Variants in CLVS1 observed in about 807,000 individuals in gnomAD.
The protein encoded by CLVS1 is clavesin 1, also known as clavesin-1.
Under a neutral mutation model 33.1 loss-of-function variants are expected in CLVS1, and 10 were observed. The ratio of observed to expected loss-of-function variants is 0.30; its 90% CI spans 0.19 to 0.51. CLVS1 has a LOEUF of 0.51. Ranked by LOEUF, CLVS1 falls within the 20% of genes least tolerant of loss-of-function variation. The pLI is 0.97. For missense variants in CLVS1, 343 were observed against 433.4 expected, an observed-to-expected ratio of 0.79 and a Z score of 1.85; for synonymous variants, 163 against 166.1, an observed-to-expected ratio of 0.98 and a Z score of 0.14.
Position 61,193,720 on chromosome 8 carries a change from T to C in CLVS1, c.-152+61860T>C, listed in dbSNP as rs184161954. ...TCAGACAAAAAGAGATTTTGACACC[T>C]ATGGAACCCTACTAAAAGAAATTCT... On this transcript the variant is annotated intron_variant, in intron 2 of 2. Transcript: ENST00000522621. Among the ~76,000 whole-genome samples, 553 of 151,902 alleles carry C rather than the reference T, an allele frequency of 3.6e-3. 3 individuals carry two copies. Among genetic ancestry groups the C allele is most frequent in the African/African-American group, 0.013 (524 of 41,428 alleles).
intron 1 of CLVS1, among the ~76,000 whole-genome samples, chr8:61,122,612 A>AC (rs1554537345): frequency 6.8e-6 from 1 of 148,140 alleles, no homozygotes; most frequent in Non-Finnish European, 1.5e-5. Context: ...ACACACACAC[A>AC]AGAAAACAGC....
intron 2 of CLVS1, among the ~76,000 whole-genome samples, chr8:61,270,381 A>G (rs968101403): frequency 1.3e-5 from 2 of 152,182 alleles, no homozygotes; most frequent in South Asian, 2.1e-4. Context: ...ATTATTGTGG[A>G]TAAGCTTTTT....
chr8:61,495,627 A>G (rs1429170292), intron 5 of CLVS1, among the ~76,000 whole-genome samples: 1 of 152,206 alleles, frequency 6.6e-6, no homozygotes, highest in African/African-American at 2.4e-5. Flanking sequence ...ATACCCAACC[A>G]TGTACCTTTG....
At chr8:61,486,551 T>G (rs1803890123) in intron 5 of CLVS1, among the ~76,000 whole-genome samples, 1 of 152,230 alleles carries the variant, frequency 6.6e-6, no homozygotes, top group Non-Finnish European at 1.5e-5. Flanking sequence ...TACCTTAAAC[T>G]GTGGATAGAA....
chr8:61,198,442 C>T (rs141865201), intron 2 of CLVS1, among the ~76,000 whole-genome samples: 14 of 152,098 alleles, frequency 9.2e-5, no homozygotes, highest in South Asian at 2.1e-4. Context: ...TGCAGTGGCA[C>T]GATCTTGGTT....
intron 2 of CLVS1, among the ~76,000 whole-genome samples, chr8:61,206,595 T>C (rs894887558): frequency 3.3e-5 from 5 of 149,368 alleles, no homozygotes; most frequent in African/African-American, 1.2e-4. Flanking sequence ...TCTTTCTTTT[T>C]TTTTTTTTTT....
the CLVS1 span, among the ~76,000 whole-genome samples, chr8:61,002,222 TCCTCTCACCTTGGCCTC>T: frequency 6.6e-6 from 1 of 151,894 alleles, no homozygotes; most frequent in East Asian, 1.9e-4. Flanking sequence ...GCTCAAGGGA[TCCTCTCACCTTGGCCTC>T]CCAAAGTACT....
chr8:61,359,204 T>C (rs768886772), intron 2 of CLVS1, among the ~76,000 whole-genome samples: 1 of 152,190 alleles, frequency 6.6e-6, no homozygotes, highest in African/African-American at 2.4e-5. Context: ...AAGAGTTAGG[T>C]TCCTGTAACT....
chr8:61,332,108 C>A (rs572467487), intron 2 of CLVS1, among the ~76,000 whole-genome samples: 1 of 152,284 alleles, frequency 6.6e-6, no homozygotes, highest in African/African-American at 2.4e-5. Context: ...GAGAAAAGTA[C>A]CCCCAATCTC....
At chr8:61,297,951 G>A (rs983905522) in intron 1 of CLVS1, among the ~76,000 whole-genome samples, 1 of 152,298 alleles carries the variant, frequency 6.6e-6, no homozygotes, top group East Asian at 1.9e-4. Context: ...TAACAAAAAT[G>A]ATATCTATTA....
chr8:61,353,123 G>A lies in CLVS1; in HGVS notation c.456-23482G>A, dbSNP rs115247060. On this transcript the variant is annotated intron_variant, in intron 2 of 5. Transcript: ENST00000325897. The stretch of plus-strand genomic sequence containing the variant: ...AGATAAAACTGCAATTATAGTTGGG[G>A]ACCTCAACCTCCCCACCCTCAGCAA... Among the ~76,000 whole-genome samples the A allele has an allele frequency of 3.8e-3, 583 of 152,016 alleles. 5 individuals carry two copies. Among genetic ancestry groups the A allele is most frequent in the African/African-American group, 0.013 (553 of 41,518 alleles).
intron 5 of CLVS1, among the ~76,000 whole-genome samples, chr8:61,462,128 T>A (rs1381576476): frequency 6.6e-6 from 1 of 152,202 alleles, no homozygotes; most frequent in Non-Finnish European, 1.5e-5. Flanking sequence ...AGAGGAAAAC[T>A]GGCTCTATCC....
chr8:60,970,666 G>T, the CLVS1 span, among the ~76,000 whole-genome samples: 1 of 152,186 alleles, frequency 6.6e-6, no homozygotes, highest in Admixed American at 6.5e-5. Flanking sequence ...CTTAACCTCT[G>T]TACATGACCT....
the CLVS1 span, among the ~76,000 whole-genome samples, chr8:61,026,602 A>G: frequency 6.6e-6 from 1 of 152,190 alleles, no homozygotes. Flanking sequence ...TGCCCAACTT[A>G]GCTGCTGAAT....
chr8:61,287,718 C>T (rs142260389), upstream of CLVS1, among the ~76,000 whole-genome samples: 92 of 152,208 alleles, frequency 6.0e-4, no homozygotes, highest in Non-Finnish European at 1.0e-3. Flanking sequence ...ACTTTCTTAC[C>T]TGTCAAATTT....
intron 2 of CLVS1, among the ~76,000 whole-genome samples, chr8:61,149,362 G>C (rs576726032): frequency 6.6e-6 from 1 of 151,928 alleles, no homozygotes; most frequent in African/African-American, 2.4e-5. Context: ...GACCAGCCTG[G>C]CCAACATGGC....
At chr8:61,306,199 T>C (rs1585778699) in intron 2 of CLVS1, among the ~76,000 whole-genome samples, 1 of 152,218 alleles carries the variant, frequency 6.6e-6, no homozygotes, top group East Asian at 1.9e-4. Context: ...CACCATCATC[T>C]GTTATTTTTT....
At position 61,499,547 on chromosome 8, in the gene CLVS1, TGA is replaced by T. The variant is rs779412969; in HGVS notation, c.*7_*8del. Reference sequence around the variant, plus strand: ...CCACTCCTGGCTCTGGACTGAACCCTGAGTCACCCCAATGCTCCTGCACACTG... The same window carrying T: ...CCACTCCTGGCTCTGGACTGAACCCTGTCACCCCAATGCTCCTGCACACTG... On this transcript the variant is annotated 3_prime_UTR_variant, in exon 6 of 6. Coordinates refer to ENST00000325897, the MANE Select transcript of CLVS1 (RefSeq NM_173519.3). 1.2e-6 allele frequency: 2 copies of T among 1,610,770 alleles called. No homozygotes were observed. Among genetic ancestry groups the T allele is most frequent in the Non-Finnish European group, 1.7e-6 (2 of 1,177,198 alleles).
chr8:61,303,899 A>G (rs1810521612), intron 2 of CLVS1, among the ~76,000 whole-genome samples: 1 of 152,234 alleles, frequency 6.6e-6, no homozygotes, highest in Admixed American at 6.5e-5. Flanking sequence ...GAAAGATTCT[A>G]TGTAAAAAGT....
Sources: gnomAD v4.1 joint callset for allele counts (sites outside exome capture counted in the v4.1 genomes callset) on GRCh38, gnomAD v4.1.1 for gene constraint, MANE v1.5 for transcripts, NCBI Gene and HGNC (gene_info 2026-07-23, HGNC 2026-07-21) for gene names.